Variants in PAIP1 observed in about 807,000 individuals in gnomAD.
PAIP1 encodes polyadenylate-binding protein-interacting protein 1.
PAIP1 carries 16 observed loss-of-function variants against 61.3 expected under a neutral mutation model. That is an observed-to-expected ratio of 0.26 (90% CI 0.18 to 0.40). PAIP1 has a LOEUF of 0.40. Among genes scored for constraint, PAIP1 ranks in the 10% least tolerant of loss-of-function variants. The probability of loss-of-function intolerance (pLI) is 1.00; values close to 1 mark genes in which losing one functional copy is unlikely to be tolerated. For missense variants in PAIP1, 416 were observed against 600.9 expected (o/e 0.69, Z 3.22); for synonymous variants, 187 against 226.2 (o/e 0.83, Z 1.56).
chr5:43,538,174 A>G (rs921729939), intron 5 of PAIP1, among the ~76,000 whole-genome samples: 10 of 152,142 alleles, frequency 6.6e-5, no homozygotes, highest in Non-Finnish European at 1.3e-4. Flanking sequence ...AGATTAATAT[A>G]TAAAATAGGA....
chr5:43,537,172 A>G (rs1747187871), intron 5 of PAIP1, among the ~76,000 whole-genome samples: 1 of 152,204 alleles, frequency 6.6e-6, no homozygotes, highest in African/African-American at 2.4e-5. Context: ...AGTCAGCATA[A>G]TTTAAGCCCA....
At chr5:43,536,396 C>T (rs1366805578) in intron 6 of PAIP1, among the ~76,000 whole-genome samples, 2 of 151,882 alleles carry the variant, frequency 1.3e-5, no homozygotes, top group African/African-American at 2.4e-5. Flanking sequence ...ATAGATGTTA[C>T]GGAATGGATA....
chr5:43,556,319 G>C (rs907901108), intron 1 of PAIP1: 2 of 1,235,944 alleles, frequency 1.6e-6, no homozygotes, highest in Non-Finnish European at 1.0e-6. Context: ...GAGGGGAGGC[G>C]ATTTTTACTT....
Position 43,556,900 on chromosome 5 carries a change from AGGACGCGGGG to A in PAIP1, c.-64_-55del. The stretch of plus-strand genomic sequence containing the variant: ...GGGCCGCTGCCGCTGCGCTCGCGAT[AGGACGCGGGG>A]GGAAGGCGCCGCGGGTCGGCTATAG... On this transcript the variant is annotated 5_prime_UTR_variant, in exon 1 of 11. Coordinates refer to ENST00000306846, the MANE Select transcript of PAIP1 (RefSeq NM_006451.5). 7.5e-7 allele frequency: 1 copy of A among 1,342,162 alleles called. No individual in the cohort carries two copies. The highest frequency in any genetic ancestry group is 4.0e-5 in the Admixed American group (1 of 24,868). The allele number at this position is 1,342,162 out of a possible 1,614,324, so 83.1% of individuals were successfully genotyped here.
chr5:43,528,765 T>C (rs1038902573), intron 10 of PAIP1, among the ~76,000 whole-genome samples: 3 of 152,024 alleles, frequency 2.0e-5, no homozygotes, highest in African/African-American at 4.8e-5. Context: ...GTTCAAGATA[T>C]AATTTATTCC....
intron 4 of PAIP1, among the ~76,000 whole-genome samples, chr5:43,539,575 GA>G (rs60156165): frequency 0.49 from 73,854 of 151,762 alleles, 18,821 homozygotes; most frequent in Middle Eastern, 0.63. Context: ...CTAATGTGAG[GA>G]AAAAATTCCC....
intron 6 of PAIP1, among the ~76,000 whole-genome samples, chr5:43,535,948 G>A (rs902062333): frequency 2.7e-5 from 4 of 147,204 alleles, no homozygotes; most frequent in African/African-American, 1.0e-4. Flanking sequence ...CACTTTTTTT[G>A]AAATATACAG....
At chr5:43,550,455 T>C (rs1747818944) in intron 2 of PAIP1, among the ~76,000 whole-genome samples, 1 of 151,988 alleles carries the variant, frequency 6.6e-6, no homozygotes, top group African/African-American at 2.4e-5. Flanking sequence ...ATAAAAAGCA[T>C]CCAAAATGAA....
chr5:43,554,379 G>A (rs1193944626), intron 2 of PAIP1, among the ~76,000 whole-genome samples: 2 of 152,082 alleles, frequency 1.3e-5, no homozygotes, highest in East Asian at 3.9e-4. Context: ...ACAATTTTCT[G>A]GCAAGAACTC....
At position 43,547,778 on chromosome 5, in the gene PAIP1, C is replaced by G. The variant is rs756906120; in HGVS notation, c.571G>C (p.Val191Leu). ...TCTTGCAAAGCATCATCTGTTGTAA[C>G]ACAACCATTCAGGGTCTCTGCAAAC... ...EQFAETLNGC[V>L]TTDDALQELV... The change falls in exon 3 of 11, where the codon GTT becomes CTT. Residue 191 changes from valine to leucine, a missense_variant. Physicochemically the swap from Val to Leu is conservative, Grantham distance 32. Around this residue, in one of 4 missense-constraint regions of PAIP1, gnomAD observed 180 missense variants for 211.2 expected, o/e 0.85. Transcript: ENST00000306846. 1 of 1,611,860 alleles carries G rather than the reference C, an allele frequency of 6.2e-7. No homozygotes were observed. Among genetic ancestry groups the G allele is most frequent in the Non-Finnish European group, 8.5e-7 (1 of 1,179,484 alleles).
At chr5:43,549,252 G>T (rs1311871204) in intron 2 of PAIP1, among the ~76,000 whole-genome samples, 1 of 152,198 alleles carries the variant, frequency 6.6e-6, no homozygotes, top group Non-Finnish European at 1.5e-5. Flanking sequence ...AGTCTTAGGA[G>T]AAAGACCAAC....
At chr5:43,532,937 A>G (rs1353667578) in intron 9 of PAIP1, among the ~76,000 whole-genome samples, 3 of 152,272 alleles carry the variant, frequency 2.0e-5, no homozygotes, top group African/African-American at 7.2e-5. Context: ...AATTAAGTTT[A>G]ATAAAAAGTA....
intron 1 of PAIP1, 143 bp downstream of exon 1, chr5:43,556,439 C>T (rs183058567): frequency 1.7e-6 from 2 of 1,208,164 alleles, no homozygotes; most frequent in Non-Finnish European, 2.1e-6. Context: ...CCCGTCCCTA[C>T]CCGGTCACGC....
At chr5:43,549,708 AT>A (rs1429758463) in intron 2 of PAIP1, among the ~76,000 whole-genome samples, 2 of 151,712 alleles carry the variant, frequency 1.3e-5, no homozygotes, top group African/African-American at 4.8e-5. Context: ...TACACTTTTT[AT>A]TTTATCTTTA....
At chr5:43,536,568 A>G (rs1747165055) in intron 6 of PAIP1, among the ~76,000 whole-genome samples, 2 of 152,232 alleles carry the variant, frequency 1.3e-5, no homozygotes. Context: ...ATATACAGAG[A>G]TAAGAAGGGA....
chr5:43,542,802 G>T (rs985207786), intron 4 of PAIP1, among the ~76,000 whole-genome samples: 1 of 152,104 alleles, frequency 6.6e-6, no homozygotes, highest in Admixed American at 6.5e-5. Context: ...GAAAAGGAAA[G>T]ATCTTTCTAA....
chr5:43,530,293 TTTCCTTCCC>T (rs1746884891), intron 9 of PAIP1, among the ~76,000 whole-genome samples: 1 of 152,210 alleles, frequency 6.6e-6, no homozygotes, highest in Non-Finnish European at 1.5e-5. Flanking sequence ...AATGGGGGAT[TTTCCTTCCC>T]TTTCTTCCCA....
chr5:43,555,850 C>A lies in PAIP1; in HGVS notation c.415G>T (p.Gly139Cys). The change falls in exon 2 of 11, where the codon GGT (glycine) becomes TGT (cysteine). Residue 139 changes from glycine (G) to cysteine (C), a missense_variant. Transcript: ENST00000306846. The stretch of plus-strand genomic sequence containing the variant: ...CTTACTGTGTAACTGGAAGAATAAC[C>A]TGAAGGGTAAAATTCAGGGGCATTC... ...SVNAPEFYPS[G>C]YSSSYTESYE... 6.2e-7 allele frequency: 1 copy of A among 1,611,614 alleles called. No homozygotes were observed.
chr5:43,544,319 A>G (rs1331478349), intron 3 of PAIP1, among the ~76,000 whole-genome samples: 1 of 152,150 alleles, frequency 6.6e-6, no homozygotes, highest in Non-Finnish European at 1.5e-5. Flanking sequence ...AGTATATGTC[A>G]CATTAAGGGA....
Sources: allele counts gnomAD v4.1 joint callset (sites outside exome capture counted in the v4.1 genomes callset), GRCh38; gene constraint gnomAD v4.1.1; regional missense constraint gnomAD v4.1.1; transcripts MANE v1.5; gene names NCBI Gene and HGNC (gene_info 2026-07-23, HGNC 2026-07-21).